CPEB3: variants seen among roughly 807,000 people sequenced by gnomAD.
CPEB3 encodes cytoplasmic polyadenylation element-binding protein 3.
A neutral mutation model predicts 67.2 loss-of-function variants in CPEB3; 20 were observed. The ratio of observed to expected loss-of-function variants is 0.30; its 90% confidence interval spans 0.21 to 0.43. The LOEUF is 0.43. Among genes scored for constraint, CPEB3 ranks in the 20% least tolerant of loss-of-function variants. The pLI, the probability that CPEB3 is intolerant of heterozygous loss-of-function variation, is 1.00. For missense variants in CPEB3, 746 were observed against 968.6 expected, an observed-to-expected ratio of 0.77 and a Z score of 3.05; for synonymous variants, 376 against 393.1, an observed-to-expected ratio of 0.96 and a Z score of 0.51.
intron 7 of CPEB3, among the ~76,000 whole-genome samples, chr10:92,095,709 A>C (rs1843841658): frequency 6.6e-6 from 1 of 150,528 alleles, no homozygotes. Flanking sequence ...GGAGAGTATA[A>C]ATAAAATAAC....
intron 9 of CPEB3, among the ~76,000 whole-genome samples, chr10:92,073,407 A>G (rs948263200): frequency 3.9e-5 from 6 of 151,982 alleles, no homozygotes; most frequent in African/African-American, 1.2e-4. Context: ...TAATCCCAGC[A>G]CTTTGGGAGG....
Position 92,142,942 on chromosome 10 carries a change from A to G in CPEB3, c.1453+87T>C, listed in dbSNP as rs992626251. 7 of 846,706 alleles carry G rather than the reference A, an allele frequency of 8.3e-6. No individual in the cohort carries two copies. The African/African-American group carries it at 1.2e-4, about 15-fold the overall frequency. 52.4% of individuals were successfully genotyped at this position (846,706 alleles called of 1,614,324 possible). ...AATTGGGGGAAAAAATTCAACAGCT[A>G]TTTCAAGAGTTAAAAGGCTGCCTTT... On this transcript the variant is annotated intron_variant, in intron 6 of 9. Coordinates refer to ENST00000265997, the MANE Select transcript of CPEB3 (RefSeq NM_014912.5).
intron 1 of CPEB3, among the ~76,000 whole-genome samples, chr10:92,289,347 G>A (rs960755043): frequency 6.6e-6 from 1 of 152,050 alleles, no homozygotes; most frequent in African/African-American, 2.4e-5. Context: ...AGACCAGCCT[G>A]GTCAACATAT....
At chr10:92,080,493 C>T (rs1317108765) in intron 9 of CPEB3, among the ~76,000 whole-genome samples, 1 of 152,040 alleles carries the variant, frequency 6.6e-6, no homozygotes. Context: ...AAGGCATGTG[C>T]ATATATGGTG....
chr10:92,152,811 T>C (rs902572716), intron 4 of CPEB3, among the ~76,000 whole-genome samples: 2 of 152,162 alleles, frequency 1.3e-5, no homozygotes, highest in African/African-American at 4.8e-5. Context: ...TAAGAATAAA[T>C]ATATTCGTTT....
In CPEB3 at chr10:92,289,732, A is replaced by AATATAT. The variant is rs71025390; in HGVS notation, c.-12+1188_-12+1193dup. On this transcript the variant is annotated intron_variant, in intron 1 of 9. Transcript: ENST00000265997. ...CGCGTCTCTACCAAAAAAAAAAAAA[A>AATATAT]ATATATATATATATATATATATATA... 5.2e-3 allele frequency among the ~76,000 whole-genome samples: 393 copies of AATATAT among 75,686 alleles called. 15 individuals carry two copies. The highest frequency in any genetic ancestry group is 7.2e-3 in the Non-Finnish European group (280 of 39,022). The allele number at this position is 75,686 out of a possible 152,430, so 49.7% of individuals were successfully genotyped here. A position where few individuals can be genotyped will look rare whatever the true frequency, so the allele number is the denominator to read the frequency against.
chr10:92,248,994 A>G (rs1020849998), intron 1 of CPEB3, among the ~76,000 whole-genome samples: 10 of 152,216 alleles, frequency 6.6e-5, no homozygotes, highest in Non-Finnish European at 1.3e-4. Flanking sequence ...CTCACTTTGT[A>G]GCTGTCAATG....
At position 92,239,877 on chromosome 10, in the gene CPEB3, C is replaced by A. The variant is rs539007965; in HGVS notation, c.474G>T (p.Ala158=). 83 of 1,608,042 alleles carry A rather than the reference C, an allele frequency of 5.2e-5. No individual in the cohort carries two copies. In the South Asian group the frequency reaches 8.5e-4, roughly 17 times the overall value. The change falls in exon 2 of 10, where the codon GCG becomes GCT. Residue 158 remains alanine (A), a synonymous_variant. Coordinates refer to ENST00000265997, the MANE Select transcript of CPEB3 (RefSeq NM_014912.5). The surrounding 1 kb of genome is among the most constrained non-coding windows in gnomAD (Gnocchi z 6.0). ...GCGGCTGCTGGTGGTGCTGGGTCTGCGCCAGGCCGATCTGCGGGGAGAAAG... is the reference window on the plus strand; with the variant it reads ...GCGGCTGCTGGTGGTGCTGGGTCTGAGCCAGGCCGATCTGCGGGGAGAAAG... ...GGTFSPQIGL[A]QTQHHQQPPP...
intron 2 of CPEB3, among the ~76,000 whole-genome samples, chr10:92,206,585 CTTTTT>C (rs1404402779): frequency 6.6e-6 from 1 of 151,970 alleles, no homozygotes; most frequent in South Asian, 2.1e-4. Flanking sequence ...TGGCTATTTT[CTTTTT>C]TTAATTCTTA....
intron 2 of CPEB3, among the ~76,000 whole-genome samples, chr10:92,232,225 G>C (rs1392720639): frequency 7.0e-6 from 1 of 142,508 alleles, no homozygotes; most frequent in Non-Finnish European, 1.5e-5. Flanking sequence ...GCTAATATTT[G>C]TAGTTTTTTA....
chr10:92,266,442 A>G (rs1003098946), intron 1 of CPEB3, among the ~76,000 whole-genome samples: 2 of 152,176 alleles, frequency 1.3e-5, no homozygotes, highest in Non-Finnish European at 2.9e-5. Flanking sequence ...AGAAAGCACA[A>G]GCCCTAAGCT....
At chr10:92,144,395 C>T (rs977685160) in intron 5 of CPEB3, among the ~76,000 whole-genome samples, 1 of 152,108 alleles carries the variant, frequency 6.6e-6, no homozygotes, top group African/African-American at 2.4e-5. Flanking sequence ...CTCAGCCTCC[C>T]AAGTAGCTGG....
chr10:92,075,843 T>C (rs1391262394), intron 9 of CPEB3, among the ~76,000 whole-genome samples: 2 of 152,144 alleles, frequency 1.3e-5, no homozygotes, highest in African/African-American at 4.8e-5. Flanking sequence ...ATAATAAACA[T>C]ATAAACTCTC....
chr10:92,145,345 C>T (rs751828208), intron 4 of CPEB3, among the ~76,000 whole-genome samples: 15 of 152,034 alleles, frequency 9.9e-5, no homozygotes, highest in Non-Finnish European at 1.8e-4. Context: ...AAAGAATCAT[C>T]CAGGTGGGCA....
intron 1 of CPEB3, among the ~76,000 whole-genome samples, chr10:92,289,918 A>C (rs1444462870): frequency 9.7e-6 from 1 of 102,940 alleles, no homozygotes; most frequent in Admixed American, 1.2e-4. Context: ...GTGTGTGTGT[A>C]TGTGTGTGGT....
At chr10:92,182,609 T>C (rs1280634230) in intron 3 of CPEB3, among the ~76,000 whole-genome samples, 1 of 152,148 alleles carries the variant, frequency 6.6e-6, no homozygotes, top group African/African-American at 2.4e-5. Flanking sequence ...GCAGATCATC[T>C]GAGGTCATGA....
chr10:92,289,146 G>A (rs1842673849), intron 1 of CPEB3, among the ~76,000 whole-genome samples: 1 of 152,160 alleles, frequency 6.6e-6, no homozygotes, highest in African/African-American at 2.4e-5. Context: ...CGGAGGCTGA[G>A]GCACGATAAT....
At chr10:92,134,497 C>T (rs55901992) in intron 6 of CPEB3, among the ~76,000 whole-genome samples, 41,233 of 151,556 alleles carry the variant, frequency 0.27, 5,984 homozygotes, top group Middle Eastern at 0.32. Flanking sequence ...CAAACCACTG[C>T]TCAATGAAAT....
intron 4 of CPEB3, among the ~76,000 whole-genome samples, chr10:92,176,941 T>C (rs1419827498): frequency 5.9e-5 from 9 of 152,212 alleles, no homozygotes; most frequent in Admixed American, 4.6e-4. Flanking sequence ...TCTTAAAACA[T>C]TATGAGATTT....
Sources: gnomAD v4.1 joint callset for allele counts (sites outside exome capture counted in the v4.1 genomes callset) on GRCh38, gnomAD v4.1.1 for gene constraint, Gnocchi (gnomAD v3.1) non-coding constraint, MANE v1.5 for transcripts, NCBI Gene and HGNC (gene_info 2026-07-23, HGNC 2026-07-21) for gene names.